The following WWTR1 variants were observed in gnomAD, a reference collection of about 807,000 sequenced individuals.
The protein encoded by WWTR1 is WW domain containing transcription regulator 1, also known as WW domain-containing transcription regulator protein 1.
Under a neutral mutation model 40.1 loss-of-function variants are expected in WWTR1, and 13 were observed. The ratio of observed to expected loss-of-function variants is 0.32; its 90% CI spans 0.21 to 0.52. The LOEUF is 0.52. Among genes scored for constraint, WWTR1 ranks in the 20% least tolerant of loss-of-function variants. WWTR1 has a pLI of 0.97. For synonymous variants in WWTR1, 230 were observed against 210.1 expected, an observed-to-expected ratio of 1.09 and a Z score of -0.82; for missense variants, 436 against 523.1, an observed-to-expected ratio of 0.83 and a Z score of 1.63.
At chr3:149,549,224 T>C (rs1380396992) in intron 3 of WWTR1, among the ~76,000 whole-genome samples, 1 of 152,086 alleles carries the variant, frequency 6.6e-6, no homozygotes, top group African/African-American at 2.4e-5. Flanking sequence ...TGATGGGAGT[T>C]GGGGGGCAAC....
chr3:149,677,387 T>A (rs1400005322), intron 1 of WWTR1, among the ~76,000 whole-genome samples: 4 of 152,204 alleles, frequency 2.6e-5, no homozygotes, highest in Non-Finnish European at 1.5e-5. Context: ...AAAATTCTGT[T>A]GTTGGCTCTA....
rs1395886964 is a variant in WWTR1, at chr3:149,639,566, C to A, written c.431+17310G>T. Among the ~76,000 whole-genome samples, 4 of 152,140 alleles carry A rather than the reference C, an allele frequency of 2.6e-5. No individual in the cohort carries two copies. In the East Asian group the frequency reaches 7.7e-4, roughly 29 times the overall value. On this transcript the variant is annotated intron_variant, in intron 2 of 6. Transcript: ENST00000360632. ...ACAACATGTCTGGTCTTCTTTCATA[C>A]TAATGGACAGCTACATTAGTATGTA...
intron 1 of WWTR1, among the ~76,000 whole-genome samples, chr3:149,692,909 A>G (rs1456243353): frequency 6.6e-6 from 1 of 152,190 alleles, no homozygotes; most frequent in East Asian, 1.9e-4. Context: ...TGCTGGGATT[A>G]CAGGTGTAAG....
At chr3:149,611,144 C>T (rs1385520601) in intron 2 of WWTR1, among the ~76,000 whole-genome samples, 2 of 152,070 alleles carry the variant, frequency 1.3e-5, no homozygotes, top group Non-Finnish European at 2.9e-5. Context: ...AGCAAGACCT[C>T]ATCTTTAAAA....
chr3:149,549,335 G>A (rs1465443938), intron 3 of WWTR1, among the ~76,000 whole-genome samples: 1 of 152,206 alleles, frequency 6.6e-6, no homozygotes, highest in East Asian at 1.9e-4. Flanking sequence ...TTGATGTGAT[G>A]TAATTAGAAT....
At chr3:149,619,632 A>G (rs1740174797) in intron 2 of WWTR1, among the ~76,000 whole-genome samples, 1 of 152,064 alleles carries the variant, frequency 6.6e-6, no homozygotes, top group Admixed American at 6.6e-5. Flanking sequence ...CCAAAAACAA[A>G]CAAACAAACA....
intron 2 of WWTR1, among the ~76,000 whole-genome samples, chr3:149,594,735 A>C (rs73868032): frequency 2.1e-5 from 3 of 146,244 alleles, no homozygotes; most frequent in South Asian, 2.1e-4. Context: ...ACACACACAC[A>C]CCACACACAC....
rs574794516 is a variant in WWTR1 at position 149,577,569 on chromosome 3, G to A, written c.432-4569C>T. ...ATTACATTATGAGTCTCTGCTTAGA[G>A]AACTGCCCAGGTTGGACAAAAGCAT... is the stretch of plus-strand genomic sequence containing the variant. On this transcript the variant is annotated intron_variant, in intron 2 of 6. Coordinates refer to ENST00000360632, the MANE Select transcript of WWTR1 (RefSeq NM_015472.6). Among the ~76,000 whole-genome samples the A allele has an allele frequency of 7.9e-5, 12 of 152,248 alleles. No homozygotes were observed. In the East Asian group the frequency reaches 1.9e-3, roughly 25 times the overall value.
At chr3:149,560,434 C>T (rs1022248921) in intron 3 of WWTR1, among the ~76,000 whole-genome samples, 1 of 152,184 alleles carries the variant, frequency 6.6e-6, no homozygotes, top group Non-Finnish European at 1.5e-5. Context: ...CAGAAACCTC[C>T]AGCATGGAGC....
Position 149,657,217 on chromosome 3 carries a change from G to A in WWTR1, c.90C>T (p.Ala30=), listed in dbSNP as rs1446969550. ...TCGGATTCATGACAGAGTTGAAGAG[G>A]GCTTCGAGGTCTGTGTCTAGGTCCT... is the stretch of plus-strand genomic sequence containing the variant. ...VTQDLDTDLE[A]LFNSVMNPKP... The change falls in exon 2 of 7, where the codon GCC becomes GCT. Residue 30 remains alanine (A), a synonymous_variant. Coordinates refer to ENST00000360632, the MANE Select transcript of WWTR1 (RefSeq NM_015472.6). The A allele has an allele frequency of 6.2e-7, 1 of 1,612,788 alleles. No individual in the cohort carries two copies. Among genetic ancestry groups the A allele is most frequent in the Non-Finnish European group, 8.5e-7 (1 of 1,179,586 alleles).
In WWTR1 at chr3:149,603,947, C is replaced by T. The variant is rs1282495211; in HGVS notation, c.432-30947G>A. On this transcript the variant is annotated intron_variant, in intron 2 of 6. Transcript: ENST00000360632. ...TAAGGTCAGTGATAGTATTTTGCCA[C>T]GGTCATAGATTTTATGTTGTATTCA... is the stretch of plus-strand genomic sequence containing the variant. Among the ~76,000 whole-genome samples, 5 of 150,688 alleles carry T rather than the reference C, an allele frequency of 3.3e-5. No individual in the cohort carries two copies. In the East Asian group the frequency reaches 5.8e-4, roughly 18 times the overall value.
chr3:149,560,644 A>AT (rs939646381), intron 3 of WWTR1, among the ~76,000 whole-genome samples: 14 of 151,952 alleles, frequency 9.2e-5, no homozygotes, highest in South Asian at 8.3e-4. Flanking sequence ...AGCCACATTA[A>AT]TTTTTTTTTA....
chr3:149,532,365 T>C (rs1735624554), intron 4 of WWTR1, among the ~76,000 whole-genome samples: 1 of 152,238 alleles, frequency 6.6e-6, no homozygotes, highest in Admixed American at 6.5e-5. Flanking sequence ...CTGGTCAACT[T>C]TCACCTTGGA....
chr3:149,663,812 C>T (rs375801516), intron 2 of WWTR1, among the ~76,000 whole-genome samples: 2 of 152,160 alleles, frequency 1.3e-5, no homozygotes, highest in Admixed American at 6.5e-5. Flanking sequence ...GTGTACTGTG[C>T]AGTTTGTTAG....
At chr3:149,644,913 C>G (rs932006061) in intron 2 of WWTR1, among the ~76,000 whole-genome samples, 2 of 152,018 alleles carry the variant, frequency 1.3e-5, no homozygotes, top group East Asian at 3.9e-4. Context: ...AATGCAGTGG[C>G]CTGATCTCAG....
Position 149,572,846 on chromosome 3 carries a change from A to T in WWTR1, c.568+18T>A. The T allele has an allele frequency of 6.2e-7, 1 of 1,611,846 alleles. No homozygotes were observed. Among genetic ancestry groups the T allele is most frequent in the Non-Finnish European group, 8.5e-7 (1 of 1,179,548 alleles). The stretch of plus-strand genomic sequence containing the variant: ...AAAAAAAATATCTTTTTTAATTTTA[A>T]AAAAGCTTGAGGCTTACCGAGATTT... On this transcript the variant is annotated intron_variant, in intron 3 of 6. Transcript: ENST00000360632.
upstream of WWTR1, among the ~76,000 whole-genome samples, chr3:149,662,394 T>C (rs549254542): frequency 6.2e-4 from 94 of 152,334 alleles, no homozygotes; most frequent in African/African-American, 2.2e-3. Context: ...TATGTAAATC[T>C]TTCCATTTGC....
intron 5 of WWTR1, among the ~76,000 whole-genome samples, chr3:149,713,170 G>C (rs1372676172): frequency 2.0e-5 from 3 of 152,080 alleles, no homozygotes; most frequent in Admixed American, 6.6e-5. Context: ...TTGAGGAACT[G>C]AAGTCCAGAA....
intron 3 of WWTR1, among the ~76,000 whole-genome samples, chr3:149,572,311 G>T (rs191151590): frequency 1.3e-5 from 2 of 152,274 alleles, no homozygotes; most frequent in Admixed American, 1.3e-4. Context: ...AGGAAAAAAG[G>T]GAAATAAGGA....
Sources: gnomAD v4.1 joint callset for allele counts (sites outside exome capture counted in the v4.1 genomes callset) on GRCh38, gnomAD v4.1.1 for gene constraint, MANE v1.5 for transcripts, NCBI Gene and HGNC (gene_info 2026-07-23, HGNC 2026-07-21) for gene names.